Variants in DENND1A observed in about 807,000 individuals in gnomAD.
The protein encoded by DENND1A is DENN domain containing 1A.
DENND1A carries 51 observed loss-of-function variants against 113.7 expected under a neutral mutation model. The ratio of observed to expected loss-of-function variants is 0.45; its 90% CI spans 0.36 to 0.57. DENND1A has a LOEUF of 0.57. DENND1A is among the 20% of genes least tolerant of loss of function. The probability of loss-of-function intolerance (pLI) is 0.00; values close to 1 mark genes in which losing one functional copy is unlikely to be tolerated. For synonymous variants in DENND1A, 565 were observed against 570.8 expected, an observed-to-expected ratio of 0.99 and a Z score of 0.14; for missense variants, 1,258 against 1,395.9, an observed-to-expected ratio of 0.90 and a Z score of 1.57.
At chr9:123,476,701 T>C (rs1157854479) in intron 13 of DENND1A, among the ~76,000 whole-genome samples, 6 of 152,184 alleles carry the variant, frequency 3.9e-5, no homozygotes, top group African/African-American at 1.4e-4. Context: ...AACAGACACT[T>C]GTATGCTCTT....
chr9:123,751,041 A>G (rs769291602), intron 5 of DENND1A: 1 of 151,486 alleles, frequency 6.6e-6, no homozygotes, highest in Non-Finnish European at 1.5e-5. Context: ...CACACAACCC[A>G]AAAGGGCTTC....
chr9:123,507,777 T>C (rs1171749868), intron 13 of DENND1A, among the ~76,000 whole-genome samples: 2 of 151,390 alleles, frequency 1.3e-5, no homozygotes, highest in Admixed American at 6.6e-5. Context: ...TGAGCCATGA[T>C]CAGGCCACTG....
chr9:123,497,185 G>A (rs181111056), intron 13 of DENND1A, among the ~76,000 whole-genome samples: 45 of 152,320 alleles, frequency 3.0e-4, no homozygotes, highest in African/African-American at 9.9e-4. Context: ...ATCTACAGCC[G>A]ACTTCCTTTA....
At chr9:123,763,677 A>T (rs2071229080) in intron 4 of DENND1A, among the ~76,000 whole-genome samples, 1 of 152,158 alleles carries the variant, frequency 6.6e-6, no homozygotes, top group Non-Finnish European at 1.5e-5. Context: ...TTATAGAAAC[A>T]CCAATTTAGA....
intron 5 of DENND1A, among the ~76,000 whole-genome samples, chr9:123,749,124 C>A (rs537562347): frequency 6.6e-6 from 1 of 152,152 alleles, no homozygotes; most frequent in Admixed American, 6.5e-5. Flanking sequence ...TGCCATATCA[C>A]GGGCAAAACC....
chr9:123,623,806 G>C (rs1424732793), intron 10 of DENND1A, among the ~76,000 whole-genome samples: 1 of 152,202 alleles, frequency 6.6e-6, no homozygotes, highest in East Asian at 1.9e-4. Context: ...CTGCAATACA[G>C]CTTCTGGGGT....
At chr9:123,861,499 C>A (rs1845045619) in intron 2 of DENND1A, among the ~76,000 whole-genome samples, 1 of 152,134 alleles carries the variant, frequency 6.6e-6, no homozygotes, top group African/African-American at 2.4e-5. Context: ...ATGGATTAGT[C>A]CCTTTTCACG....
chr9:123,414,384 A>T (rs757534898), intron 19 of DENND1A: 186 of 1,430,576 alleles, frequency 1.3e-4, no homozygotes, highest in Non-Finnish European at 1.5e-4. Flanking sequence ...ATTTGTTTCC[A>T]GAGAGGACTT....
chr9:123,504,036 T>A (rs765226466), intron 13 of DENND1A, among the ~76,000 whole-genome samples: 1 of 152,210 alleles, frequency 6.6e-6, no homozygotes, highest in African/African-American at 2.4e-5. Flanking sequence ...GGAACTTCTA[T>A]GATTCTGAGG....
chr9:123,440,339 T>C (rs1476495742), intron 19 of DENND1A, 21 bp downstream of exon 19: 2 of 1,572,656 alleles, frequency 1.3e-6, no homozygotes, highest in East Asian at 2.4e-5. Flanking sequence ...AACAGACAGG[T>C]AGGAGGGCCA....
At chr9:123,595,871 C>T (rs999217065) in intron 11 of DENND1A, among the ~76,000 whole-genome samples, 2 of 152,122 alleles carry the variant, frequency 1.3e-5, no homozygotes, top group Admixed American at 1.3e-4. Flanking sequence ...AGAAATCCAC[C>T]CCAACACAGA....
At chr9:123,481,040 T>C (rs1348881458) in intron 13 of DENND1A, among the ~76,000 whole-genome samples, 6 of 152,182 alleles carry the variant, frequency 3.9e-5, no homozygotes, top group Admixed American at 1.3e-4. Context: ...TGGAAACCTG[T>C]TTACAATCTT....
intron 5 of DENND1A, among the ~76,000 whole-genome samples, chr9:123,716,680 G>A (rs565320602): frequency 3.3e-5 from 5 of 152,272 alleles, no homozygotes; most frequent in African/African-American, 7.2e-5. Flanking sequence ...AAGTACAAAC[G>A]AATGCAGTGG....
At chr9:123,561,761 T>G (rs2057772155) in intron 12 of DENND1A, among the ~76,000 whole-genome samples, 1 of 152,058 alleles carries the variant, frequency 6.6e-6, no homozygotes, top group Non-Finnish European at 1.5e-5. Flanking sequence ...CTTGCCAGCT[T>G]CTGTCTAAGA....
intron 21 of DENND1A, among the ~76,000 whole-genome samples, chr9:123,398,803 T>C (rs2043274552): frequency 6.6e-6 from 1 of 151,410 alleles, no homozygotes; most frequent in Non-Finnish European, 1.5e-5. Flanking sequence ...AGCATTTTTT[T>C]TTTTTTTTGG....
chr9:123,478,916 C>A (rs143103290), intron 13 of DENND1A, among the ~76,000 whole-genome samples: 212 of 152,334 alleles, frequency 1.4e-3, no homozygotes, highest in African/African-American at 4.9e-3. Context: ...CAGTTTACTG[C>A]TGATGCAGTG....
At chr9:123,703,866 C>A (rs75270630) in intron 5 of DENND1A, among the ~76,000 whole-genome samples, 27,252 of 151,952 alleles carry the variant, frequency 0.18, 2,664 homozygotes, top group African/African-American at 0.26. Context: ...CAGAAACGTT[C>A]TGTATCTTGA....
At chr9:123,447,427 G>A (rs1268900133) in intron 18 of DENND1A, among the ~76,000 whole-genome samples, 1 of 152,154 alleles carries the variant, frequency 6.6e-6, no homozygotes, top group Non-Finnish European at 1.5e-5. Context: ...TTGAAAATCT[G>A]CAGCACAAAT....
intron 21 of DENND1A, among the ~76,000 whole-genome samples, chr9:123,395,889 A>T (rs2043104175): frequency 6.6e-6 from 1 of 152,282 alleles, no homozygotes; most frequent in African/African-American, 2.4e-5. Context: ...CACCCAGGAA[A>T]CATCTCAGAG....
Sources: allele counts gnomAD v4.1 joint callset (sites outside exome capture counted in the v4.1 genomes callset), GRCh38; gene constraint gnomAD v4.1.1; transcripts MANE v1.5; gene names NCBI Gene and HGNC (gene_info 2026-07-23, HGNC 2026-07-21).